CDH2: variants seen among roughly 807,000 people sequenced by gnomAD.
CDH2 encodes cadherin 2.
A neutral mutation model predicts 92.0 loss-of-function variants in CDH2; 17 were observed. That is an observed-to-expected ratio of 0.18 (90% CI 0.13 to 0.28). The LOEUF (loss-of-function observed/expected upper bound fraction) is 0.28. Ranked by LOEUF, CDH2 falls within the 10% of genes least tolerant of loss-of-function variation. The pLI is 1.00. For synonymous variants in CDH2, 419 were observed against 415.9 expected, an observed-to-expected ratio of 1.01 and a Z score of -0.09; for missense variants, 862 against 1,133.1, an observed-to-expected ratio of 0.76 and a Z score of 3.44.
rs185032826 is a variant in CDH2, at chr18:27,974,803, T to C, written c.2349+8141A>G. Among the ~76,000 whole-genome samples the C allele has an allele frequency of 1.3e-3, 195 of 152,304 alleles. 1 individual carries two copies. The highest frequency in any genetic ancestry group is 1.4e-3 in the Non-Finnish European group (94 of 68,028). ...GACACAGCAAGAAAGGCGCCTTATA[T>C]GAAGCACAGAGTAAGCTCTCACCAG... On this transcript the variant is annotated intron_variant, in intron 14 of 15. Transcript: ENST00000269141.
intron 2 of CDH2, among the ~76,000 whole-genome samples, chr18:28,076,406 A>T (rs775702282): frequency 6.6e-6 from 1 of 152,170 alleles, no homozygotes; most frequent in Non-Finnish European, 1.5e-5. Context: ...AGAGACTCAC[A>T]TCTGGGGGAA....
At position 28,064,130 on chromosome 18, in the gene CDH2, C is replaced by T. The variant is rs996949742; in HGVS notation, c.173-50221G>A. On this transcript the variant is annotated intron_variant, in intron 2 of 15. Transcript: ENST00000269141. The stretch of plus-strand genomic sequence containing the variant: ...AAATCTCTTAAAACTATGAATTCCT[C>T]AAAAGAGGGGGGGGTAGGTGGGGAT... Among the ~76,000 whole-genome samples, 3 of 139,420 alleles carry T rather than the reference C, an allele frequency of 2.2e-5. No individual in the cohort carries two copies. The Admixed American group carries it at 2.2e-4, about 10-fold the overall frequency. 91.5% of individuals were successfully genotyped at this position (139,420 alleles called of 152,430 possible).
At chr18:27,947,840 TGTATACGGTAAAGA>T (rs1909314262), downstream of CDH2, among the ~76,000 whole-genome samples, 1 of 152,058 alleles carries the variant, frequency 6.6e-6, no homozygotes, top group Non-Finnish European at 1.5e-5. Flanking sequence ...GATATAAGTG[TGTATACGGTAAAGA>T]ATGCATTCCA....
intron 2 of CDH2, among the ~76,000 whole-genome samples, chr18:28,133,936 A>G (rs1457097984): frequency 6.6e-6 from 1 of 152,106 alleles, no homozygotes; most frequent in African/African-American, 2.4e-5. Context: ...AAGCAGGAGG[A>G]TGGCTGGGGC....
chr18:28,122,260 T>C (rs1395458484), intron 2 of CDH2, among the ~76,000 whole-genome samples: 1 of 152,158 alleles, frequency 6.6e-6, no homozygotes, highest in African/African-American at 2.4e-5. Context: ...CTTTCAAGGA[T>C]CTACTAATAT....
intron 2 of CDH2, among the ~76,000 whole-genome samples, chr18:28,139,532 C>A (rs567148489): frequency 6.6e-6 from 1 of 152,146 alleles, no homozygotes; most frequent in South Asian, 2.1e-4. Context: ...ATCTAAAACA[C>A]CAGTTGCCTC....
intron 2 of CDH2, among the ~76,000 whole-genome samples, chr18:28,141,417 T>C (rs954388194): frequency 2.6e-5 from 4 of 151,980 alleles, no homozygotes; most frequent in African/African-American, 9.7e-5. Flanking sequence ...GATGGAAGCA[T>C]TTTAGAACTA....
At chr18:27,957,805 T>A (rs2011290184) in intron 15 of CDH2, among the ~76,000 whole-genome samples, 1 of 152,194 alleles carries the variant, frequency 6.6e-6, no homozygotes, top group African/African-American at 2.4e-5. Flanking sequence ...TACACCATAC[T>A]TACATTACAG....
intron 2 of CDH2, among the ~76,000 whole-genome samples, chr18:28,118,419 A>G (rs988047266): frequency 1.3e-5 from 2 of 152,148 alleles, no homozygotes; most frequent in Non-Finnish European, 2.9e-5. Flanking sequence ...TAATCAAAGA[A>G]AATAATCAAC....
Position 28,013,851 on chromosome 18 carries a change from T to C in CDH2, c.231A>G (p.Ala77=), listed in dbSNP as rs148115828. The C allele has an allele frequency of 8.7e-6, 14 of 1,613,910 alleles. No homozygotes were observed. In the East Asian group the frequency reaches 3.1e-4, roughly 36 times the overall value. ...RKVQYESSEP[A]DFKVDEDGMV... is the part of the protein sequence containing the mutation. ...TGCCATCTTCATCCACCTTAAAATC[T>C]GCAGGCTCACTGCTCTCATATTGTA... The change falls in exon 3 of 16, where the codon GCA becomes GCG. Residue 77 remains alanine, a synonymous_variant. Coordinates refer to ENST00000269141, the MANE Select transcript of CDH2 (RefSeq NM_001792.5).
intron 2 of CDH2, among the ~76,000 whole-genome samples, chr18:28,133,545 G>A (rs956748388): frequency 5.3e-5 from 7 of 131,738 alleles, no homozygotes; most frequent in African/African-American, 2.1e-4. Flanking sequence ...TTGCGCCACT[G>A]CACTCCAGCC....
At chr18:28,120,578 G>A (rs370476296) in intron 2 of CDH2, among the ~76,000 whole-genome samples, 20 of 151,912 alleles carry the variant, frequency 1.3e-4, no homozygotes, top group Admixed American at 2.0e-4. Flanking sequence ...GTACATGGCC[G>A]AACACGCTGT....
chr18:27,970,082 A>G (rs930116219), intron 14 of CDH2, among the ~76,000 whole-genome samples: 1 of 152,202 alleles, frequency 6.6e-6, no homozygotes, highest in Non-Finnish European at 1.5e-5. Flanking sequence ...AAGATGTCAG[A>G]AGCTATGAAG....
intron 7 of CDH2, among the ~76,000 whole-genome samples, chr18:27,996,168 C>T (rs988560497): frequency 3.9e-5 from 6 of 152,104 alleles, no homozygotes; most frequent in African/African-American, 1.2e-4. Flanking sequence ...TCCTCCCATT[C>T]GCTTACCCCA....
intron 15 of CDH2, among the ~76,000 whole-genome samples, chr18:27,957,019 A>G (rs2011263399): frequency 6.6e-6 from 1 of 152,022 alleles, no homozygotes. Flanking sequence ...TGCACCCCCA[A>G]AGGGAATCCC....
intron 2 of CDH2, among the ~76,000 whole-genome samples, chr18:28,141,961 G>T (rs2015961196): frequency 6.6e-6 from 1 of 151,850 alleles, no homozygotes; most frequent in South Asian, 2.1e-4. Context: ...CCTATGCAAT[G>T]ACATTTGCTC....
At chr18:28,169,111 A>G (rs905509973) in intron 1 of CDH2, among the ~76,000 whole-genome samples, 1 of 152,150 alleles carries the variant, frequency 6.6e-6, no homozygotes, top group Admixed American at 6.5e-5. Flanking sequence ...AAAATACTTA[A>G]TTTCTGAGGT....
At chr18:27,965,254 T>C (rs2011505601) in intron 14 of CDH2, among the ~76,000 whole-genome samples, 1 of 152,208 alleles carries the variant, frequency 6.6e-6, no homozygotes, top group Admixed American at 6.5e-5. Flanking sequence ...CCCTGAATAT[T>C]TCCTTATCAA....
intron 2 of CDH2, among the ~76,000 whole-genome samples, chr18:28,015,271 T>C (rs950339015): frequency 2.0e-5 from 3 of 152,176 alleles, no homozygotes; most frequent in Non-Finnish European, 4.4e-5. Context: ...CTACTGAATA[T>C]ATTATTTTCC....
Sources: allele counts gnomAD v4.1 joint callset (sites outside exome capture counted in the v4.1 genomes callset), GRCh38; gene constraint gnomAD v4.1.1; transcripts MANE v1.5; gene names NCBI Gene and HGNC (gene_info 2026-07-23, HGNC 2026-07-21).